Variants in DAB1 observed in about 807,000 individuals in gnomAD.
The protein encoded by DAB1 is DAB adaptor protein 1.
In DAB1, 15 loss-of-function variants were observed where a neutral mutation model predicts 64.6. That is an observed-to-expected ratio of 0.23 (90% CI 0.16 to 0.36). The LOEUF (loss-of-function observed/expected upper bound fraction) is 0.36, where lower values mean the gene tolerates loss of function less well. Among genes scored for constraint, DAB1 ranks in the 10% least tolerant of loss-of-function variants. The pLI, the probability that DAB1 is intolerant of heterozygous loss-of-function variation, is 1.00. For missense variants in DAB1, 596 were observed against 706.7 expected, an observed-to-expected ratio of 0.84 and a Z score of 1.78; for synonymous variants, 235 against 251.9, an observed-to-expected ratio of 0.93 and a Z score of 0.64.
intron 5 of DAB1, among the ~76,000 whole-genome samples, chr1:57,914,536 C>T (rs866543599): frequency 1.3e-5 from 2 of 151,882 alleles, no homozygotes; most frequent in African/African-American, 2.4e-5. Context: ...CAAACCTGCA[C>T]GTTGTGCACA....
intron 2 of DAB1, among the ~76,000 whole-genome samples, chr1:57,174,845 T>C (rs1201278815): frequency 6.6e-6 from 1 of 152,180 alleles, no homozygotes; most frequent in Non-Finnish European, 1.5e-5. Flanking sequence ...TTGTTTATGA[T>C]AATTGTACTA....
At chr1:57,687,510 A>G (rs1482960123) in intron 6 of DAB1, among the ~76,000 whole-genome samples, 1 of 150,860 alleles carries the variant, frequency 6.6e-6, no homozygotes, top group East Asian at 1.9e-4. Context: ...AACTACCAAT[A>G]CCATTTTTCA....
chr1:57,503,433 T>C (rs1464777197), intron 7 of DAB1, among the ~76,000 whole-genome samples: 3 of 152,206 alleles, frequency 2.0e-5, no homozygotes, highest in Non-Finnish European at 2.9e-5. Flanking sequence ...ACCTTTGCTG[T>C]TCCCTCCTAA....
chr1:57,175,493 T>G (rs1662212661), intron 2 of DAB1, among the ~76,000 whole-genome samples: 1 of 152,070 alleles, frequency 6.6e-6, no homozygotes, highest in East Asian at 1.9e-4. Context: ...GTCAAGGAAT[T>G]TATTCATGAG....
chr1:57,648,817 T>C (rs1021087814), intron 7 of DAB1, among the ~76,000 whole-genome samples: 10 of 151,876 alleles, frequency 6.6e-5, no homozygotes, highest in Non-Finnish European at 1.2e-4. Context: ...TTAAGGGGGG[T>C]TAGGGGTAAT....
chr1:58,152,108 T>C (rs1265469372), intron 4 of DAB1, among the ~76,000 whole-genome samples: 1 of 152,028 alleles, frequency 6.6e-6, no homozygotes, highest in Non-Finnish European at 1.5e-5. Context: ...ATCAGGCAAA[T>C]ATATGGTAAA....
chr1:57,746,231 G>A (rs1648261849), intron 6 of DAB1, among the ~76,000 whole-genome samples: 1 of 152,088 alleles, frequency 6.6e-6, no homozygotes, highest in Non-Finnish European at 1.5e-5. Flanking sequence ...ATCTGTATGT[G>A]TGTATTTTCA....
intron 3 of DAB1, among the ~76,000 whole-genome samples, chr1:57,137,979 C>T (rs1206915678): frequency 3.3e-5 from 5 of 152,048 alleles, no homozygotes; most frequent in Non-Finnish European, 5.9e-5. Flanking sequence ...TCACTTCCTC[C>T]AGTGTAAAAT....
chr1:57,194,323 T>C (rs1009882494), intron 2 of DAB1, among the ~76,000 whole-genome samples: 1 of 152,234 alleles, frequency 6.6e-6, no homozygotes, highest in South Asian at 2.1e-4. Flanking sequence ...TCTGTCTTTT[T>C]AATGGATGTT....
At chr1:58,149,592 T>G (rs537591792) in intron 5 of DAB1, among the ~76,000 whole-genome samples, 1 of 152,314 alleles carries the variant, frequency 6.6e-6, no homozygotes, top group Admixed American at 6.5e-5. Context: ...ACCATCAACC[T>G]GACACAACTC....
chr1:57,934,063 TTGTGTGTGTGTGTGTG>T (rs55848780), intron 5 of DAB1, among the ~76,000 whole-genome samples: 2 of 128,102 alleles, frequency 1.6e-5, no homozygotes, highest in African/African-American at 6.0e-5. Flanking sequence ...GCCCAGCTAA[TTGTGTGTGTGTGTGTG>T]TGTGTGTGTG....
intron 9 of DAB1, among the ~76,000 whole-genome samples, chr1:57,057,755 C>G (rs900901824): frequency 6.8e-6 from 1 of 147,354 alleles, no homozygotes; most frequent in South Asian, 2.2e-4. Context: ...CTACAGGTGC[C>G]TGCCACCATG....
chr1:58,008,642 T>C (rs1467269317), intron 5 of DAB1, among the ~76,000 whole-genome samples: 3 of 152,144 alleles, frequency 2.0e-5, no homozygotes, highest in Non-Finnish European at 2.9e-5. Context: ...TGGGATTAGA[T>C]TGCAGAACTT....
At chr1:57,184,645 T>C (rs1008788166) in intron 2 of DAB1, among the ~76,000 whole-genome samples, 3 of 152,142 alleles carry the variant, frequency 2.0e-5, no homozygotes, top group Non-Finnish European at 4.4e-5. Context: ...GAAGCCTTCC[T>C]CTCTCATACA....
At chr1:58,543,149 C>CT (rs1400926880) in intron 1 of DAB1, among the ~76,000 whole-genome samples, 1 of 152,128 alleles carries the variant, frequency 6.6e-6, no homozygotes, top group Non-Finnish European at 1.5e-5. Context: ...GCTTCATGAG[C>CT]TTTTACTTTA....
intron 5 of DAB1, among the ~76,000 whole-genome samples, chr1:57,945,470 G>A (rs1645172018): frequency 6.7e-6 from 1 of 149,684 alleles, no homozygotes; most frequent in African/African-American, 2.4e-5. Flanking sequence ...GGCAGAGATG[G>A]GGTCTCACTA....
intron 5 of DAB1, among the ~76,000 whole-genome samples, chr1:58,109,271 G>A (rs764776522): frequency 6.6e-6 from 1 of 152,224 alleles, no homozygotes; most frequent in Non-Finnish European, 1.5e-5. Flanking sequence ...ATGCATACCA[G>A]GTGGGCTCAG....
rs557403917 is a variant in DAB1, at chr1:57,506,725, C to T, written n.625+142867G>A. 5.3e-5 allele frequency among the ~76,000 whole-genome samples: 8 copies of T among 152,272 alleles called. No individual in the cohort carries two copies. The East Asian group carries it at 1.5e-3, about 29-fold the overall frequency. On this transcript the variant is annotated intron_variant and non_coding_transcript_variant, in intron 7 of 20. Transcript: ENST00000485760. ...CATTTCAAACCAACAGGCTCCATGCCTTTTTCCACTTACCCATCTCTGTCC... is the reference window on the plus strand; with the variant it reads ...CATTTCAAACCAACAGGCTCCATGCTTTTTTCCACTTACCCATCTCTGTCC...
At chr1:57,759,930 C>A (rs1355883694) in intron 6 of DAB1, among the ~76,000 whole-genome samples, 1 of 152,090 alleles carries the variant, frequency 6.6e-6, no homozygotes, top group Non-Finnish European at 1.5e-5. Flanking sequence ...AAGAGCAACG[C>A]ATTGGAACGT....
Sources: gnomAD v4.1 joint callset for allele counts (sites outside exome capture counted in the v4.1 genomes callset) on GRCh38, gnomAD v4.1.1 for gene constraint, MANE v1.5 for transcripts, NCBI Gene and HGNC (gene_info 2026-07-23, HGNC 2026-07-21) for gene names.